The following MEIS2 variants were observed in gnomAD, a reference collection of about 807,000 sequenced individuals.
MEIS2 encodes the protein homeobox protein Meis2.
Under a neutral mutation model 58.6 loss-of-function variants are expected in MEIS2, and 9 were observed. The ratio of observed to expected loss-of-function variants is 0.15; its 90% CI spans 0.09 to 0.27. The LOEUF (loss-of-function observed/expected upper bound fraction) is 0.27. Among genes scored for constraint, MEIS2 ranks in the 10% least tolerant of loss-of-function variants. MEIS2 has a pLI of 1.00. For synonymous variants in MEIS2, 221 were observed against 228.4 expected (o/e 0.97, Z 0.29); for missense variants, 427 against 635.0 (o/e 0.67, Z 3.52).
chr15:36,905,874 C>G (rs537029279), intron 9 of MEIS2, among the ~76,000 whole-genome samples: 1 of 152,152 alleles, frequency 6.6e-6, no homozygotes, highest in South Asian at 2.1e-4. Flanking sequence ...CAGAAACAAA[C>G]TGAAAATCAC....
At chr15:37,059,103 C>T (rs567805004) in intron 7 of MEIS2, among the ~76,000 whole-genome samples, 3 of 152,230 alleles carry the variant, frequency 2.0e-5, no homozygotes, top group African/African-American at 7.2e-5. Context: ...GTTTATTTGC[C>T]CAGTGCCCAG....
chr15:37,040,584 A>C (rs1293334979), intron 7 of MEIS2, among the ~76,000 whole-genome samples: 1 of 152,212 alleles, frequency 6.6e-6, no homozygotes, highest in Non-Finnish European at 1.5e-5. Flanking sequence ...CCATTCCATC[A>C]GCATTGCCAC....
rs2055784588 is a variant in MEIS2, at chr15:36,889,599, A to G, written c.*2574T>C. The G allele has an allele frequency of 6.6e-6, 1 of 152,216 alleles. No individual in the cohort carries two copies. Among genetic ancestry groups the G allele is most frequent in the Non-Finnish European group, 1.5e-5 (1 of 68,038 alleles). The allele number at this position is 152,216 out of a possible 1,614,324, so 9.4% of individuals were successfully genotyped here. A position where few individuals can be genotyped will look rare whatever the true frequency, so the allele number is the denominator to read the frequency against. On this transcript the variant is annotated 3_prime_UTR_variant, in exon 12 of 12. Coordinates refer to ENST00000561208, the MANE Select transcript of MEIS2 (RefSeq NM_170675.5). ...TTATTCATTAAAACCAAGAGTTGAGAGCTCTGGTCTCTAAACTTCAATGAG... is the reference window on the plus strand; with the variant it reads ...TTATTCATTAAAACCAAGAGTTGAGGGCTCTGGTCTCTAAACTTCAATGAG...
intron 7 of MEIS2, 126 bp from the exon 8 acceptor site, chr15:37,037,085 T>C (rs2062188376): frequency 5.4e-6 from 5 of 922,168 alleles, no homozygotes; most frequent in Non-Finnish European, 7.8e-6. Flanking sequence ...TCTCTTTCAT[T>C]AAAGTATAAT....
intron 8 of MEIS2, among the ~76,000 whole-genome samples, chr15:36,956,565 C>A (rs1405415507): frequency 2.0e-5 from 3 of 152,082 alleles, no homozygotes; most frequent in Non-Finnish European, 4.4e-5. Flanking sequence ...AGTTATGAAA[C>A]TGTTAAAAGT....
intron 8 of MEIS2, among the ~76,000 whole-genome samples, chr15:36,985,013 C>CA (rs1395212239): frequency 6.6e-6 from 1 of 152,008 alleles, no homozygotes; most frequent in African/African-American, 2.4e-5. Flanking sequence ...TGTTCCTTTT[C>CA]AAAAAACCTA....
At chr15:36,909,841 T>A (rs80344406) in intron 9 of MEIS2, among the ~76,000 whole-genome samples, 8,338 of 89,134 alleles carry the variant, frequency 0.094, 402 homozygotes, top group Non-Finnish European at 0.12. Flanking sequence ...GTGTTATGAG[T>A]GTGTGTGTGG....
intron 7 of MEIS2, 71 bp downstream of exon 7, chr15:37,083,700 C>A (rs1892532013): frequency 7.8e-7 from 1 of 1,281,880 alleles, no homozygotes. Flanking sequence ...GGCAGATGTA[C>A]TGATATCATA....
intron 8 of MEIS2, among the ~76,000 whole-genome samples, chr15:37,025,745 T>A (rs1191457883): frequency 6.8e-6 from 1 of 147,520 alleles, no homozygotes; most frequent in Non-Finnish European, 1.5e-5. Flanking sequence ...TCTGTCAAAC[T>A]TGCTCTGCAA....
chr15:37,020,616 A>G (rs2061492765), intron 8 of MEIS2, among the ~76,000 whole-genome samples: 1 of 151,538 alleles, frequency 6.6e-6, no homozygotes, highest in Non-Finnish European at 1.5e-5. Context: ...GAGCTTTATT[A>G]GTGCCTGGGT....
intron 7 of MEIS2, among the ~76,000 whole-genome samples, chr15:37,040,338 G>A (rs1306884108): frequency 6.6e-6 from 1 of 152,130 alleles, no homozygotes; most frequent in Non-Finnish European, 1.5e-5. Context: ...TGTTGGTTGG[G>A]TGAGTAAATG....
chr15:37,019,102 G>C (rs1567188433), intron 8 of MEIS2, among the ~76,000 whole-genome samples: 1 of 41,474 alleles, frequency 2.4e-5, no homozygotes, highest in South Asian at 1.5e-3. Context: ...CCTTGTTCAA[G>C]AGAGATAGAC....
intron 8 of MEIS2, among the ~76,000 whole-genome samples, chr15:37,014,433 AAG>A (rs1369455459): frequency 2.0e-5 from 3 of 152,194 alleles, no homozygotes; most frequent in Non-Finnish European, 4.4e-5. Flanking sequence ...CTCTTCCCAA[AAG>A]AGAGAAAACA....
Position 37,082,060 on chromosome 15 carries a change from C to T in MEIS2, c.754+1711G>A, listed in dbSNP as rs1353531670. 2.0e-5 allele frequency among the ~76,000 whole-genome samples: 3 copies of T among 152,306 alleles called. No homozygotes were observed. The East Asian group carries it at 5.8e-4, about 29-fold the overall frequency. ...ATCTCCCTTGCCATAACTCAACTAA[C>T]CCAACAGAACCAGTCAGTTTTAAAT... On this transcript the variant is annotated intron_variant, in intron 7 of 11. Coordinates refer to ENST00000561208, the MANE Select transcript of MEIS2 (RefSeq NM_170675.5).
intron 8 of MEIS2, among the ~76,000 whole-genome samples, chr15:37,030,351 G>A (rs2061864766): frequency 6.6e-6 from 1 of 151,992 alleles, no homozygotes. Context: ...TCCTACTGAG[G>A]GGTATTTCCA....
intron 8 of MEIS2, among the ~76,000 whole-genome samples, chr15:36,990,843 A>G (rs916845763): frequency 6.6e-6 from 1 of 152,116 alleles, no homozygotes; most frequent in African/African-American, 2.4e-5. Context: ...ATTGAGAGCT[A>G]TTAGATAAAT....
In MEIS2 at chr15:37,075,901, T is replaced by G. The variant is rs1294281420; in HGVS notation, c.754+7870A>C. ...ACTCCCTCTAGGTCTCTTTCATTAT[T>G]TTTTTTTTCGAGACCTTGTGTTCCA... is the stretch of plus-strand genomic sequence containing the variant. On this transcript the variant is annotated intron_variant, in intron 7 of 11. Transcript: ENST00000561208. 2.6e-5 allele frequency among the ~76,000 whole-genome samples: 4 copies of G among 151,518 alleles called. 1 individual carries two copies. The highest frequency in any genetic ancestry group is 5.9e-5 in the Non-Finnish European group (4 of 67,812).
rs917815271 is a variant in MEIS2 at position 36,892,119 on chromosome 15, A to G, written c.*54T>C. Reference sequence around the variant, plus strand: ...GTGTCAACATCTGGTCAAAGTTCAGAAAGTCTTAAAATAGTTTTTGCGTGT... The same window carrying G: ...GTGTCAACATCTGGTCAAAGTTCAGGAAGTCTTAAAATAGTTTTTGCGTGT... On this transcript the variant is annotated 3_prime_UTR_variant, in exon 12 of 12. Coordinates refer to ENST00000561208, the MANE Select transcript of MEIS2 (RefSeq NM_170675.5). 3 of 1,573,570 alleles carry G rather than the reference A, an allele frequency of 1.9e-6. No homozygotes were observed. Among genetic ancestry groups the G allele is most frequent in the African/African-American group, 2.7e-5 (2 of 73,732 alleles).
At chr15:36,967,967 T>C (rs1246600492) in intron 8 of MEIS2, among the ~76,000 whole-genome samples, 1 of 152,192 alleles carries the variant, frequency 6.6e-6, no homozygotes, top group East Asian at 1.9e-4. Context: ...GCCCTCTCTA[T>C]TGCCGCTGCA....
Sources: gnomAD v4.1 joint callset for allele counts (sites outside exome capture counted in the v4.1 genomes callset) on GRCh38, gnomAD v4.1.1 for gene constraint, MANE v1.5 for transcripts, NCBI Gene and HGNC (gene_info 2026-07-23, HGNC 2026-07-21) for gene names.